The following CCDC171 variants were observed in gnomAD, a reference collection of about 807,000 sequenced individuals.
CCDC171 encodes coiled-coil domain-containing protein 171.
A neutral mutation model predicts 168.2 loss-of-function variants in CCDC171; 177 were observed. That is an observed-to-expected ratio of 1.05 (90% confidence interval 0.93 to 1.19). The LOEUF (loss-of-function observed/expected upper bound fraction) is 1.19. CCDC171 is among the 50% of genes most tolerant of loss of function. The probability of loss-of-function intolerance (pLI) is 0.00; values close to 1 mark genes in which losing one functional copy is unlikely to be tolerated. For missense variants in CCDC171, 1,991 were observed against 1,539.0 expected (o/e 1.29, Z -4.91); for synonymous variants, 687 against 540.8 (o/e 1.27, Z -3.75).
intron 3 of CCDC171, among the ~76,000 whole-genome samples, chr9:16,001,539 G>T (rs1832544924): frequency 6.6e-6 from 1 of 152,094 alleles, no homozygotes; most frequent in Admixed American, 6.6e-5. Context: ...TGATGACTTT[G>T]TATTTTGCTA....
chr9:15,977,580 A>T (rs1320346762), downstream of CCDC171, among the ~76,000 whole-genome samples: 1 of 152,210 alleles, frequency 6.6e-6, no homozygotes, highest in African/African-American at 2.4e-5. Context: ...GGTTAATGTT[A>T]TCTGAAGACA....
At chr9:15,814,378 G>A (rs903094504) in intron 21 of CCDC171, among the ~76,000 whole-genome samples, 1 of 152,186 alleles carries the variant, frequency 6.6e-6, no homozygotes, top group Non-Finnish European at 1.5e-5. Flanking sequence ...CGAGGATGGG[G>A]TTGGGGAAGA....
At chr9:15,865,934 G>C in intron 23 of CCDC171, among the ~76,000 whole-genome samples, 1 of 151,826 alleles carries the variant, frequency 6.6e-6, no homozygotes, top group East Asian at 1.9e-4. Context: ...AAAACTCAGG[G>C]ATTGCCTGGA....
At chr9:16,103,283 G>C in the CCDC171 span, among the ~76,000 whole-genome samples, 2 of 152,222 alleles carry the variant, frequency 1.3e-5, no homozygotes, top group Admixed American at 6.5e-5. Flanking sequence ...TTGCAGCTAG[G>C]CCTGGGAGTG....
chr9:15,873,154 A>G (rs1817400591), intron 23 of CCDC171, among the ~76,000 whole-genome samples: 1 of 152,176 alleles, frequency 6.6e-6, no homozygotes, highest in South Asian at 2.1e-4. Flanking sequence ...TTATGCCCAT[A>G]GATTAGCGTG....
intron 7 of CCDC171, among the ~76,000 whole-genome samples, chr9:15,631,056 A>T (rs2045642774): frequency 6.6e-6 from 1 of 152,170 alleles, no homozygotes; most frequent in Non-Finnish European, 1.5e-5. Flanking sequence ...CTAAATGCCC[A>T]CAAGAGAAAG....
intron 21 of CCDC171, among the ~76,000 whole-genome samples, chr9:15,825,736 T>C (rs2059984638): frequency 6.6e-6 from 1 of 152,124 alleles, no homozygotes; most frequent in Admixed American, 6.5e-5. Context: ...GGAATGGAGA[T>C]TGCAATAATT....
chr9:16,035,488 C>A (rs1887670), exon 7 of CCDC171: 22 of 152,160 alleles, frequency 1.4e-4, no homozygotes, highest in African/African-American at 4.1e-4. Flanking sequence ...CCTGTGACAG[C>A]GCTCTTATTT....
intron 10 of CCDC171, among the ~76,000 whole-genome samples, chr9:15,691,916 C>G (rs1032498402): frequency 2.6e-5 from 4 of 152,066 alleles, no homozygotes; most frequent in African/African-American, 9.7e-5. Flanking sequence ...GGGCTTGATC[C>G]TCTTGCCTTG....
At chr9:15,919,569 TG>T (rs1008736797) in intron 24 of CCDC171, among the ~76,000 whole-genome samples, 2 of 151,630 alleles carry the variant, frequency 1.3e-5, no homozygotes, top group Non-Finnish European at 3.0e-5. Context: ...AATAGTATCC[TG>T]GACTTAAAAT....
chr9:15,940,629 T>G (rs978771430), intron 25 of CCDC171, among the ~76,000 whole-genome samples: 1 of 152,002 alleles, frequency 6.6e-6, no homozygotes, highest in African/African-American at 2.4e-5. Context: ...GTTATACATA[T>G]TCACTGTTAC....
chr9:15,863,871 A>G (rs753291438), intron 23 of CCDC171, among the ~76,000 whole-genome samples: 6 of 142,430 alleles, frequency 4.2e-5, no homozygotes, highest in Non-Finnish European at 7.8e-5. Flanking sequence ...CCCCATCTCC[A>G]GGGTTGTTGC....
At chr9:16,103,452 T>A in the CCDC171 span, among the ~76,000 whole-genome samples, 1 of 152,186 alleles carries the variant, frequency 6.6e-6, no homozygotes, top group Non-Finnish European at 1.5e-5. Flanking sequence ...GAAAATGCTT[T>A]GAGGGATACT....
intron 5 of CCDC171, among the ~76,000 whole-genome samples, chr9:15,591,814 T>C (rs1035847459): frequency 1.4e-4 from 22 of 152,162 alleles, no homozygotes; most frequent in Admixed American, 1.2e-3. Flanking sequence ...TATGGGCATA[T>C]TGTAAGAAGC....
chr9:15,822,327 A>G (rs573876802), intron 21 of CCDC171, among the ~76,000 whole-genome samples: 88 of 151,638 alleles, frequency 5.8e-4, no homozygotes, highest in African/African-American at 2.0e-3. Context: ...GCCAGAATTG[A>G]CAAAGGGGAT....
At chr9:15,866,437 A>G (rs554897169) in intron 23 of CCDC171, among the ~76,000 whole-genome samples, 11 of 151,968 alleles carry the variant, frequency 7.2e-5, no homozygotes, top group Non-Finnish European at 1.5e-4. Flanking sequence ...TTATTCAGCA[A>G]AGTGGCATAT....
intron 25 of CCDC171, 61 bp downstream of exon 25, chr9:15,920,483 AT>A (rs1825169614): frequency 8.5e-7 from 1 of 1,170,598 alleles, no homozygotes; most frequent in Non-Finnish European, 1.2e-6. Context: ...ATTTACATTT[AT>A]GTTTTTAATG....
intron 8 of CCDC171, among the ~76,000 whole-genome samples, chr9:15,659,616 A>G (rs1175095848): frequency 6.6e-6 from 1 of 152,212 alleles, no homozygotes; most frequent in Admixed American, 6.5e-5. Context: ...AATGTAATAG[A>G]CTGTATGAAA....
rs185021474 is a variant in CCDC171, at chr9:15,862,976, G to T, written c.3469-11556G>T. 2.0e-5 allele frequency among the ~76,000 whole-genome samples: 3 copies of T among 151,862 alleles called. No individual in the cohort carries two copies. The East Asian group carries it at 5.8e-4, about 30-fold the overall frequency. On this transcript the variant is annotated intron_variant, in intron 23 of 25. Transcript: ENST00000380701. ...GAGAGCTGGGCATTTTTTTTCACTG[G>T]TCCTTTCTGTGCCAAGCCAGGGGAG...
Sources: gnomAD v4.1 joint callset for allele counts (sites outside exome capture counted in the v4.1 genomes callset) on GRCh38, gnomAD v4.1.1 for gene constraint, MANE v1.5 for transcripts, NCBI Gene and HGNC (gene_info 2026-07-23, HGNC 2026-07-21) for gene names.